Variants in SRPRA observed in about 807,000 individuals in gnomAD.
SRPRA encodes SRP receptor subunit alpha, also known as signal recognition particle receptor subunit alpha.
SRPRA carries 30 observed loss-of-function variants against 61.1 expected under a neutral mutation model. The ratio of observed to expected loss-of-function variants is 0.49; its 90% confidence interval spans 0.37 to 0.67. The LOEUF is 0.67. SRPRA is among the 30% of genes least tolerant of loss of function. The pLI is 0.00. For missense variants in SRPRA, 759 were observed against 828.4 expected (o/e 0.92, Z 1.03); for synonymous variants, 324 against 299.7 (o/e 1.08, Z -0.84).
chr11:126,267,486 C>T lies in SRPRA; in HGVS notation c.365+63G>A. 1.2e-6 allele frequency: 2 copies of T among 1,602,576 alleles called. No homozygotes were observed. Among genetic ancestry groups the T allele is most frequent in the Non-Finnish European group, 1.7e-6 (2 of 1,173,178 alleles). ...ACACATCAATTTACCACCTTTGAAC[C>T]ACCTTCAGAGAGGTCATCAAATCAT... On this transcript the variant is annotated intron_variant, in intron 3 of 13. Coordinates refer to ENST00000332118, the MANE Select transcript of SRPRA (RefSeq NM_003139.4). The surrounding 1 kb of genome is among the most constrained non-coding windows in gnomAD (Gnocchi z 4.2).
rs1018647747 is a variant in SRPRA at position 126,264,327 on chromosome 11, A to T, written c.1690-38T>A. 2 of 1,613,440 alleles carry T rather than the reference A, an allele frequency of 1.2e-6. No individual in the cohort carries two copies. The highest frequency in any genetic ancestry group is 2.7e-5 in the African/African-American group (2 of 74,912). On this transcript the variant is annotated intron_variant, in intron 12 of 13. Transcript: ENST00000332118. This position sits in a 1 kb window ranked among gnomAD's most constrained non-coding sequence, Gnocchi z 5.0. ...AGTGATAGAAGTGTAAGAACCATCT[A>T]AATTGACCAAAGCTCAAGTTGTAAA...
At chr11:126,242,125 A>G in the SRPRA span, among the ~76,000 whole-genome samples, 88 of 152,196 alleles carry the variant, frequency 5.8e-4, no homozygotes, top group African/African-American at 2.1e-3. Context: ...CCTAAATATG[A>G]TACCTAAAAC....
At chr11:126,258,464 T>C (rs1452948678), downstream of SRPRA, among the ~76,000 whole-genome samples, 1 of 152,236 alleles carries the variant, frequency 6.6e-6, no homozygotes, top group Non-Finnish European at 1.5e-5. Context: ...ATTTCTTAAC[T>C]GAATCAGATG....
chr11:126,259,848 G>A (rs1950650967), downstream of SRPRA, among the ~76,000 whole-genome samples: 2 of 151,736 alleles, frequency 1.3e-5, no homozygotes, highest in African/African-American at 4.8e-5. Context: ...AGTCTCCCGA[G>A]TAGCTGGGAC....
chr11:126,264,220 G>A lies in SRPRA; in HGVS notation c.1759C>T (p.Leu587Phe). ...TCATCAATGGTATCAAATTTGGTAA[G>A]AACAATGCCATCAATGAGCCGAGGT... ...QTPRLIDGIV[L>F]TKFDTIDDKV... Residue 587 changes from leucine (L) to phenylalanine (F), a missense_variant, in exon 13 of 14, where the codon CTT becomes TTT. This residue lies in a region of SRPRA where 284 missense variants were observed against 365.9 expected (regional missense o/e 0.78). Coordinates refer to ENST00000332118, the MANE Select transcript of SRPRA (RefSeq NM_003139.4). This position sits in a 1 kb window ranked among gnomAD's most constrained non-coding sequence, Gnocchi z 5.0. 1 of 1,614,120 alleles carries A rather than the reference G, an allele frequency of 6.2e-7. No homozygotes were observed. Among genetic ancestry groups the A allele is most frequent in the Non-Finnish European group, 8.5e-7 (1 of 1,180,016 alleles).
chr11:126,241,011 T>A, the SRPRA span: 1 of 1,612,458 alleles, frequency 6.2e-7, no homozygotes, highest in South Asian at 1.1e-5. Context: ...ACCTGGTCCA[T>A]GTTGCCCATG....
the SRPRA span, among the ~76,000 whole-genome samples, chr11:126,250,154 C>T: frequency 8.0e-5 from 12 of 150,648 alleles, no homozygotes; most frequent in East Asian, 2.0e-4. The surrounding 1 kb of genome is among the most constrained non-coding windows in gnomAD (Gnocchi z 5.1). Context: ...TGCAGTGACG[C>T]GATCTCGGCT....
the SRPRA span, among the ~76,000 whole-genome samples, chr11:126,236,442 A>G: frequency 3.3e-5 from 5 of 152,082 alleles, no homozygotes; most frequent in South Asian, 2.1e-4. Context: ...TTTGTATTGT[A>G]TGACCTCTTT....
At chr11:126,262,013 CTGTCT>C, downstream of SRPRA, 1 of 997,670 alleles carries the variant, frequency 1.0e-6, no homozygotes, top group Non-Finnish European at 1.5e-6. Flanking sequence ...CTAGAATCTC[CTGTCT>C]TGCCTTCTGA....
rs1458474367 is a variant in SRPRA, at chr11:126,265,771, G to C, written c.1104C>G (p.Asn368Lys). The C allele has an allele frequency of 1.2e-6, 2 of 1,614,058 alleles. No homozygotes were observed. Among genetic ancestry groups the C allele is most frequent in the South Asian group, 1.1e-5 (1 of 91,086 alleles). Residue 368 changes from asparagine to lysine, a missense_variant, in exon 9 of 14, where the codon AAC becomes AAG. Around this residue, in one of 2 missense-constraint regions of SRPRA, gnomAD observed 475 missense variants for 462.5 expected, o/e 1.03. Coordinates refer to ENST00000332118, the MANE Select transcript of SRPRA (RefSeq NM_003139.4). This position sits in a 1 kb window ranked among gnomAD's most constrained non-coding sequence, Gnocchi z 6.3. ...TCCCCATCACCTTCCCTTCCAACTT[G>C]TTGGCAACAGATTCACAGAGCTGGA... ...IAVQLCESVA[N>K]KLEGKVMGTF...
At chr11:126,260,000 G>A (rs931310652), downstream of SRPRA, among the ~76,000 whole-genome samples, 2 of 152,196 alleles carry the variant, frequency 1.3e-5, no homozygotes, top group South Asian at 2.1e-4. Flanking sequence ...GATTACAGGC[G>A]TGAGCCACTG....
the SRPRA span, among the ~76,000 whole-genome samples, chr11:126,252,808 G>A: frequency 4.6e-5 from 7 of 152,142 alleles, no homozygotes; most frequent in Non-Finnish European, 1.0e-4. This position sits in a 1 kb window ranked among gnomAD's most constrained non-coding sequence, Gnocchi z 4.7. Context: ...GCCGAGGTGG[G>A]TGGATCACTT....
At position 126,265,640 on chromosome 11, in the gene SRPRA, G is replaced by T; in HGVS notation, c.1138+97C>A. The T allele has an allele frequency of 7.2e-7, 1 of 1,388,808 alleles. No individual in the cohort carries two copies. The highest frequency in any genetic ancestry group is 1.0e-6 in the Non-Finnish European group (1 of 990,922). 86.0% of individuals were successfully genotyped at this position (1,388,808 alleles called of 1,614,324 possible). A position where few individuals can be genotyped will look rare whatever the true frequency, so the allele number is the denominator to read the frequency against. On this transcript the variant is annotated intron_variant, in intron 9 of 13. Transcript: ENST00000332118. The surrounding 1 kb of genome is among the most constrained non-coding windows in gnomAD (Gnocchi z 6.3). Reference sequence around the variant, plus strand: ...AAAATCTAGGTTACAGAGGTTTAGAGGTTAAGGAATTTGCCGAAAGTCACA... The same window carrying T: ...AAAATCTAGGTTACAGAGGTTTAGATGTTAAGGAATTTGCCGAAAGTCACA...
chr11:126,240,061 A>G, the SRPRA span, among the ~76,000 whole-genome samples: 1 of 152,166 alleles, frequency 6.6e-6, no homozygotes, highest in Non-Finnish European at 1.5e-5. Flanking sequence ...TCAAGCAGGG[A>G]TAGTCTCCAG....
the SRPRA span, among the ~76,000 whole-genome samples, chr11:126,252,336 G>C: frequency 6.6e-6 from 1 of 152,150 alleles, no homozygotes; most frequent in Admixed American, 6.5e-5. The surrounding 1 kb of genome is among the most constrained non-coding windows in gnomAD (Gnocchi z 4.7). Flanking sequence ...TACCCCATAG[G>C]AATAGTAACT....
At chr11:126,238,618 G>A in the SRPRA span, among the ~76,000 whole-genome samples, 1 of 152,292 alleles carries the variant, frequency 6.6e-6, no homozygotes, top group South Asian at 2.1e-4. Context: ...TCAGCTGTGT[G>A]CAGTGTTCTC....
downstream of SRPRA, chr11:126,262,289 C>G: frequency 1.4e-6 from 1 of 709,462 alleles, no homozygotes; most frequent in South Asian, 1.7e-5. Flanking sequence ...AATGTTGCAG[C>G]GTAATCCTTC....
rs1950795060 is a variant in SRPRA, at chr11:126,265,689, T to C, written c.1138+48A>G. The C allele has an allele frequency of 3.1e-6, 5 of 1,591,644 alleles. No homozygotes were observed. The highest frequency in any genetic ancestry group is 4.3e-6 in the Non-Finnish European group (5 of 1,160,188). On this transcript the variant is annotated intron_variant, in intron 9 of 13. Transcript: ENST00000332118. The surrounding 1 kb of genome is among the most constrained non-coding windows in gnomAD (Gnocchi z 6.3). Reference sequence around the variant, plus strand: ...CATACCTAGTAAGAACTGAGGTCTATGCACTTAACCTACACATAAGCACTT... The same window carrying C: ...CATACCTAGTAAGAACTGAGGTCTACGCACTTAACCTACACATAAGCACTT...
chr11:126,265,319 G>A lies in SRPRA; in HGVS notation c.1260C>T (p.Val420=), dbSNP rs367950847. Residue 420 remains valine (V), a synonymous_variant, in exon 10 of 14, where the codon GTC becomes GTT. Coordinates refer to ENST00000332118, the MANE Select transcript of SRPRA (RefSeq NM_003139.4). The surrounding 1 kb of genome is among the most constrained non-coding windows in gnomAD (Gnocchi z 6.3). ...MDAQRRQRPY[V]VTFCGVNGVG... ...CTCCATTAACGCCGCAGAAGGTGAC[G>A]ACATAAGGGCGCTGGCGACGCTGGG... 4.8e-5 allele frequency: 78 copies of A among 1,613,690 alleles called. No homozygotes were observed. The highest frequency in any genetic ancestry group is 2.1e-4 in the South Asian group (19 of 91,058).
Sources: gnomAD v4.1 joint callset for allele counts (sites outside exome capture counted in the v4.1 genomes callset) on GRCh38, gnomAD v4.1.1 for gene constraint, gnomAD v4.1.1 regional missense constraint, Gnocchi (gnomAD v3.1) non-coding constraint, MANE v1.5 for transcripts, NCBI Gene and HGNC (gene_info 2026-07-23, HGNC 2026-07-21) for gene names.